The following ZNF469 variants were observed in gnomAD, a reference collection of about 807,000 sequenced individuals.
ZNF469 encodes the protein zinc finger protein 469.
Under a neutral mutation model 1.0 loss-of-function variants are expected in ZNF469, and 1 was observed. The ratio of observed to expected loss-of-function variants is 1.00; its 90% CI spans 0.35 to 4.73. The LOEUF is 4.73. Among genes scored for constraint, ZNF469 ranks in the 30% most tolerant of loss-of-function variants. The pLI is 0.16. For synonymous variants in ZNF469, 2,703 were observed against 2,363.4 expected, an observed-to-expected ratio of 1.14 and a Z score of -4.17; for missense variants, 6,100 against 5,356.3, an observed-to-expected ratio of 1.14 and a Z score of -4.33.
the ZNF469 span, among the ~76,000 whole-genome samples, chr16:88,268,415 A>G: frequency 6.6e-6 from 1 of 151,948 alleles, no homozygotes; most frequent in East Asian, 1.9e-4. Flanking sequence ...CCCGTGTGAC[A>G]CTCCATCCCC....
chr16:88,360,820 G>T, the ZNF469 span, among the ~76,000 whole-genome samples: 2 of 152,030 alleles, frequency 1.3e-5, no homozygotes, highest in East Asian at 3.9e-4. Context: ...TCTCTCAAAG[G>T]CAGTCCACCC....
the ZNF469 span, among the ~76,000 whole-genome samples, chr16:88,147,911 G>A: frequency 1.6e-4 from 25 of 152,144 alleles, no homozygotes; most frequent in Admixed American, 8.5e-4. Flanking sequence ...GAAATCACAG[G>A]CGGCAGTGAT....
chr16:88,156,165 T>A, the ZNF469 span, among the ~76,000 whole-genome samples: 1 of 152,240 alleles, frequency 6.6e-6, no homozygotes, highest in Non-Finnish European at 1.5e-5. Flanking sequence ...ATCAGATGTG[T>A]GATTTGCAAG....
chr16:88,321,562 A>C, the ZNF469 span, among the ~76,000 whole-genome samples: 1 of 151,938 alleles, frequency 6.6e-6, no homozygotes, highest in Non-Finnish European at 1.5e-5. Context: ...ACCTTATTTG[A>C]TGTGGCCCTC....
chr16:88,255,170 G>T, the ZNF469 span, among the ~76,000 whole-genome samples: 1 of 152,194 alleles, frequency 6.6e-6, no homozygotes, highest in Non-Finnish European at 1.5e-5. Context: ...ATTCACAGTT[G>T]GGCTGTGGGT....
rs1324983268 is a variant in ZNF469, at chr16:88,428,824, C to T, written c.1354C>T (p.Pro452Ser). ...CACAGCAGCCCCTTACCCCACACCT[C>T]CTGGGGGCCCCCTGGCTGCCACCAG... ...DPTAAPYPTP[P>S]GGPLAATRSM... The change falls in exon 3 of 3, where the codon CCT (proline) becomes TCT (serine). Residue 452 changes from proline (P) to serine (S), a missense_variant. Coordinates refer to ENST00000565624, the MANE Select transcript of ZNF469 (RefSeq NM_001367624.2). The T allele has an allele frequency of 6.5e-7, 1 of 1,547,854 alleles. No individual in the cohort carries two copies. Among genetic ancestry groups the T allele is most frequent in the Non-Finnish European group, 8.7e-7 (1 of 1,146,284 alleles).
chr16:88,374,045 A>G, the ZNF469 span, among the ~76,000 whole-genome samples: 1 of 151,964 alleles, frequency 6.6e-6, no homozygotes, highest in African/African-American at 2.4e-5. Flanking sequence ...GATATGAGCC[A>G]TTCCAAGCTG....
chr16:88,381,136 A>T (rs1223646371), upstream of ZNF469, among the ~76,000 whole-genome samples: 1 of 144,380 alleles, frequency 6.9e-6, no homozygotes, highest in Non-Finnish European at 1.5e-5. Flanking sequence ...ACAGACATGC[A>T]CTCACACACA....
At chr16:88,356,056 C>T in the ZNF469 span, among the ~76,000 whole-genome samples, 1 of 152,180 alleles carries the variant, frequency 6.6e-6, no homozygotes, top group Non-Finnish European at 1.5e-5. Flanking sequence ...CAGCCTTCAT[C>T]ATCACTTTCA....
chr16:88,144,457 G>A, the ZNF469 span, among the ~76,000 whole-genome samples: 1 of 152,222 alleles, frequency 6.6e-6, no homozygotes, highest in African/African-American at 2.4e-5. Context: ...TGGAGAGGAC[G>A]GAGGACATCA....
At chr16:88,129,378 T>C in the ZNF469 span, among the ~76,000 whole-genome samples, 1 of 152,162 alleles carries the variant, frequency 6.6e-6, no homozygotes, top group African/African-American at 2.4e-5. Flanking sequence ...CCTTGGAATC[T>C]GTGGAGCCGA....
chr16:88,126,500 G>T, the ZNF469 span, among the ~76,000 whole-genome samples: 1 of 147,576 alleles, frequency 6.8e-6, no homozygotes, highest in East Asian at 2.0e-4. Flanking sequence ...AATCATAACT[G>T]GATGTTGAGT....
At chr16:88,296,672 A>C in the ZNF469 span, among the ~76,000 whole-genome samples, 21 of 151,738 alleles carry the variant, frequency 1.4e-4, no homozygotes, top group African/African-American at 4.6e-4. Context: ...TCACACACTC[A>C]TGCACACTCG....
chr16:88,239,665 T>TACA, the ZNF469 span, among the ~76,000 whole-genome samples: 1 of 73,226 alleles, frequency 1.4e-5, no homozygotes, highest in African/African-American at 4.9e-5. Flanking sequence ...TTTTTTTTTT[T>TACA]TGTATATATA....
chr16:88,409,891 G>GGTTC (rs1905103581), intron 1 of ZNF469, among the ~76,000 whole-genome samples: 1 of 139,724 alleles, frequency 7.2e-6, no homozygotes, highest in African/African-American at 2.8e-5. Context: ...GGGGCGCGGG[G>GGTTC]CGTTCCAGGG....
At chr16:88,136,269 C>T in the ZNF469 span, among the ~76,000 whole-genome samples, 3 of 152,214 alleles carry the variant, frequency 2.0e-5, no homozygotes, top group South Asian at 2.1e-4. Context: ...CCCTGCCCTC[C>T]TCCTCCTCAT....
At chr16:88,285,342 C>T in the ZNF469 span, among the ~76,000 whole-genome samples, 1 of 152,282 alleles carries the variant, frequency 6.6e-6, no homozygotes, top group African/African-American at 2.4e-5. Context: ...TGAGCGGTCT[C>T]TAACCCTCGG....
chr16:88,171,336 C>A, the ZNF469 span, among the ~76,000 whole-genome samples: 206 of 152,332 alleles, frequency 1.4e-3, no homozygotes, highest in African/African-American at 4.9e-3. Flanking sequence ...CTGTCCCAGG[C>A]ACTTGCCTAG....
chr16:88,419,282 G>A (rs1277415499), intron 1 of ZNF469, among the ~76,000 whole-genome samples: 1 of 152,212 alleles, frequency 6.6e-6, no homozygotes, highest in Non-Finnish European at 1.5e-5. Flanking sequence ...GACAGGATCA[G>A]CCCTGGTGGG....
Sources: allele counts gnomAD v4.1 joint callset (sites outside exome capture counted in the v4.1 genomes callset), GRCh38; gene constraint gnomAD v4.1.1; transcripts MANE v1.5; gene names NCBI Gene and HGNC (gene_info 2026-07-23, HGNC 2026-07-21).